The following NRG1 variants were observed in gnomAD, a reference collection of about 807,000 sequenced individuals.
The protein encoded by NRG1 is neuregulin 1.
Under a neutral mutation model 63.8 loss-of-function variants are expected in NRG1, and 18 were observed. The ratio of observed to expected loss-of-function variants is 0.28; its 90% CI spans 0.19 to 0.42. NRG1 has a LOEUF of 0.42. Ranked by LOEUF, NRG1 falls within the 10% of genes least tolerant of loss-of-function variation. NRG1 has a pLI of 1.00. For synonymous variants in NRG1, 302 were observed against 301.3 expected, an observed-to-expected ratio of 1.00 and a Z score of -0.02; for missense variants, 762 against 814.7, an observed-to-expected ratio of 0.94 and a Z score of 0.79.
In NRG1 at chr8:32,135,917, A is replaced by C. The variant is rs578131303; in HGVS notation, c.38-459911A>C. Among the ~76,000 whole-genome samples, 135 of 152,196 alleles carry C rather than the reference A, an allele frequency of 8.9e-4. 1 individual carries two copies. The highest frequency in any genetic ancestry group is 1.8e-3 in the Non-Finnish European group (120 of 68,036). ...ATCAAAAGAAACTCTAAAGGATCAAAAGCAAAGTAGAAGAAAACCAAACAG... is the reference window on the plus strand; with the variant it reads ...ATCAAAAGAAACTCTAAAGGATCAACAGCAAAGTAGAAGAAAACCAAACAG... On this transcript the variant is annotated intron_variant, in intron 1 of 10. Transcript: ENST00000519301.
rs567565334 is a variant in NRG1 at position 31,685,728 on chromosome 8, T to C, written c.37+46297T>C. ...TTTATTTCTATGGTTTTTCTCATTC[T>C]GGAGATTACATAGAAATGGAATCAT... On this transcript the variant is annotated intron_variant, in intron 1 of 10. Coordinates refer to the NRG1 transcript ENST00000519301. Among the ~76,000 whole-genome samples the C allele has an allele frequency of 5.9e-5, 9 of 152,326 alleles. No homozygotes were observed. The East Asian group carries it at 1.7e-3, about 29-fold the overall frequency.
chr8:32,026,468 C>T (rs912039360), intron 1 of NRG1: 2 of 152,052 alleles, frequency 1.3e-5, no homozygotes, highest in Non-Finnish European at 2.9e-5. Flanking sequence ...TACTTTTTTA[C>T]TTTCATCATG....
At chr8:31,694,557 A>G (rs774635626) in intron 1 of NRG1, among the ~76,000 whole-genome samples, 6 of 152,162 alleles carry the variant, frequency 3.9e-5, no homozygotes, top group Non-Finnish European at 7.3e-5. Flanking sequence ...AGGAAGGCCA[A>G]TGAGGAGGCA....
chr8:32,279,806 G>A (rs1167691282), intron 1 of NRG1, among the ~76,000 whole-genome samples: 5 of 152,186 alleles, frequency 3.3e-5, no homozygotes, highest in East Asian at 1.9e-4. Context: ...CATTACCTGC[G>A]TCTGTTAGGT....
At chr8:32,771,759 A>G (rs1831824106), downstream of NRG1, among the ~76,000 whole-genome samples, 3 of 142,888 alleles carry the variant, frequency 2.1e-5, no homozygotes, top group South Asian at 6.7e-4. Flanking sequence ...ACGGTGGCTC[A>G]TGACTGTAAT....
intron 1 of NRG1, among the ~76,000 whole-genome samples, chr8:32,406,886 AG>A (rs1814065665): frequency 6.6e-6 from 1 of 152,144 alleles, no homozygotes; most frequent in African/African-American, 2.4e-5. Context: ...CCTTGTGGCC[AG>A]GGATCAAAGG....
chr8:32,555,679 G>A (rs1314686580), intron 1 of NRG1, among the ~76,000 whole-genome samples: 1 of 152,188 alleles, frequency 6.6e-6, no homozygotes, highest in East Asian at 1.9e-4. Flanking sequence ...CACCGTGTTA[G>A]CCAGGATGGT....
intron 1 of NRG1, among the ~76,000 whole-genome samples, chr8:32,300,153 C>T (rs1031197542): frequency 1.4e-4 from 21 of 152,052 alleles, no homozygotes; most frequent in African/African-American, 2.2e-4. Flanking sequence ...CACAGAACTT[C>T]AAGTAAATAC....
chr8:32,770,162 G>T (rs1831687734), downstream of NRG1, among the ~76,000 whole-genome samples: 1 of 152,156 alleles, frequency 6.6e-6, no homozygotes, highest in African/African-American at 2.4e-5. Context: ...TACCTCTGTA[G>T]ATTTAAACAT....
At chr8:31,659,220 T>G (rs565027030) in intron 1 of NRG1, among the ~76,000 whole-genome samples, 2 of 152,228 alleles carry the variant, frequency 1.3e-5, no homozygotes, top group Admixed American at 1.3e-4. Flanking sequence ...TAGAACACCA[T>G]GCATTTGTGG....
chr8:31,901,866 G>T (rs1832110798), intron 1 of NRG1, among the ~76,000 whole-genome samples: 1 of 152,098 alleles, frequency 6.6e-6, no homozygotes, highest in Admixed American at 6.5e-5. Context: ...CTTGTCAAAT[G>T]AACTCTTAAT....
At chr8:31,883,273 G>A (rs1585484913) in intron 1 of NRG1, among the ~76,000 whole-genome samples, 1 of 152,008 alleles carries the variant, frequency 6.6e-6, no homozygotes. Context: ...TAGCAATAAT[G>A]TATTTACAAA....
intron 1 of NRG1, among the ~76,000 whole-genome samples, chr8:31,713,649 G>A (rs139222284): frequency 5.4e-4 from 82 of 151,646 alleles, no homozygotes; most frequent in African/African-American, 1.8e-3. Flanking sequence ...TACAATTTTA[G>A]CATTGCAGGG....
chr8:31,761,925 G>T (rs968173008), intron 1 of NRG1, among the ~76,000 whole-genome samples: 8 of 152,140 alleles, frequency 5.3e-5, no homozygotes, highest in African/African-American at 1.9e-4. Context: ...ACAATAAAAT[G>T]AGGTAGCTTC....
At chr8:31,726,070 G>A (rs575303023) in intron 1 of NRG1, among the ~76,000 whole-genome samples, 1 of 152,082 alleles carries the variant, frequency 6.6e-6, no homozygotes, top group East Asian at 1.9e-4. Context: ...TTTATTATAG[G>A]AGATAGAACA....
At chr8:31,712,929 A>T (rs1414351668) in intron 1 of NRG1, among the ~76,000 whole-genome samples, 1 of 151,570 alleles carries the variant, frequency 6.6e-6, no homozygotes, top group African/African-American at 2.4e-5. Flanking sequence ...CTGTCTGTCT[A>T]TTATGAATCA....
chr8:32,688,865 G>A, intron 5 of NRG1, among the ~76,000 whole-genome samples: 1 of 152,108 alleles, frequency 6.6e-6, no homozygotes, highest in East Asian at 1.9e-4. Context: ...ACCACAGCTT[G>A]CTGCTGGTTC....
chr8:32,575,068 A>G (rs184220752), intron 1 of NRG1, among the ~76,000 whole-genome samples: 15 of 152,316 alleles, frequency 9.8e-5, no homozygotes, highest in Non-Finnish European at 2.1e-4. Flanking sequence ...GCTGAACAGC[A>G]GATCATAAAT....
At chr8:32,352,819 A>G (rs570988171) in intron 1 of NRG1, among the ~76,000 whole-genome samples, 104 of 152,136 alleles carry the variant, frequency 6.8e-4, no homozygotes, top group South Asian at 1.0e-3. Flanking sequence ...TTGCAACTGC[A>G]GTGAGCTATG....
Sources: allele counts gnomAD v4.1 joint callset (sites outside exome capture counted in the v4.1 genomes callset), GRCh38; gene constraint gnomAD v4.1.1; transcripts MANE v1.5; gene names NCBI Gene and HGNC (gene_info 2026-07-23, HGNC 2026-07-21).